Variants in LEO1 observed in about 807,000 individuals in gnomAD.
The protein encoded by LEO1 is RNA polymerase-associated protein LEO1.
A neutral mutation model predicts 80.4 loss-of-function variants in LEO1; 34 were observed. The observed-to-expected ratio is 0.42, with a 90% CI of 0.32 to 0.56. The LOEUF is 0.56. Ranked by LOEUF, LEO1 falls within the 20% of genes least tolerant of loss-of-function variation. The pLI is 0.10. For synonymous variants in LEO1, 262 were observed against 274.9 expected (o/e 0.95, Z 0.46); for missense variants, 631 against 814.2 (o/e 0.77, Z 2.74).
At chr15:51,970,932 C>G (rs2057117734) in intron 1 of LEO1, among the ~76,000 whole-genome samples, 1 of 152,198 alleles carries the variant, frequency 6.6e-6, no homozygotes, top group Non-Finnish European at 1.5e-5. Flanking sequence ...ACCTGAGCAA[C>G]ACAGTGAGAC....
At chr15:51,948,038 G>C (rs2114191) in intron 10 of LEO1, among the ~76,000 whole-genome samples, 50,607 of 152,030 alleles carry the variant, frequency 0.33, 9,355 homozygotes, top group Middle Eastern at 0.42. Flanking sequence ...ATTCCAAAAT[G>C]AGTTTGAAGG....
rs1452090542 is a variant in LEO1 at position 51,960,736 on chromosome 15, T to C, written c.920-3A>G. On this transcript the variant is annotated splice_region_variant and splice_polypyrimidine_tract_variant and intron_variant, in intron 3 of 11. Transcript: ENST00000299601. ...TAAATCCATGGTTCCACTATTATCT[T>C]CAATGCAGAAGGAAAAAGGCATTAG... The C allele has an allele frequency of 6.4e-7, 1 of 1,564,334 alleles. No individual in the cohort carries two copies. The highest frequency in any genetic ancestry group is 1.7e-5 in the Admixed American group (1 of 59,940).
In LEO1 at chr15:51,971,772, G is replaced by A; in HGVS notation, c.-27C>T. 6.2e-7 allele frequency: 1 copy of A among 1,611,328 alleles called. No individual in the cohort carries two copies. Among genetic ancestry groups the A allele is most frequent in the Non-Finnish European group, 8.5e-7 (1 of 1,177,500 alleles). ...ATCGCTCACGTCCGCTGCTGCCTCG[G>A]TTAGGGGCAGCTCCCGGCCTCTCTT... On this transcript the variant is annotated 5_prime_UTR_variant, in exon 1 of 12. Transcript: ENST00000299601.
At chr15:51,952,808 C>A (rs1195935423) in intron 8 of LEO1, among the ~76,000 whole-genome samples, 1 of 152,142 alleles carries the variant, frequency 6.6e-6, no homozygotes, top group Non-Finnish European at 1.5e-5. Flanking sequence ...TTACTAAAAA[C>A]AAAGGACACA....
intron 6 of LEO1, among the ~76,000 whole-genome samples, chr15:51,957,389 G>A (rs1288039623): frequency 2.0e-5 from 3 of 152,058 alleles, no homozygotes; most frequent in Admixed American, 6.6e-5. Flanking sequence ...ATACATCCAT[G>A]TGTCCCAAAG....
intron 11 of LEO1, among the ~76,000 whole-genome samples, chr15:51,939,414 C>T (rs747245573): frequency 5.3e-5 from 8 of 152,180 alleles, no homozygotes; most frequent in Middle Eastern, 3.4e-3. Context: ...AAATACATTC[C>T]CACAGACCTG....
chr15:51,968,200 C>A (rs1024125679), intron 1 of LEO1, among the ~76,000 whole-genome samples: 2 of 151,814 alleles, frequency 1.3e-5, no homozygotes, highest in African/African-American at 4.8e-5. Flanking sequence ...TAAATAAATA[C>A]ATAATATTGC....
chr15:51,966,394 T>C lies in LEO1; in HGVS notation c.169A>G (p.Ser57Gly), dbSNP rs770683513. The part of the protein sequence containing the change: ...QDERGDSGQP[S>G]NKELFGDDSE... The stretch of plus-strand genomic sequence containing the variant: ...TCATCTCCAAACAGTTCCTTATTAC[T>C]TGGTTGTCCTGAATCACCTCTTTCA... The change falls in exon 2 of 12, where the codon AGT (serine) becomes GGT (glycine). Residue 57 changes from serine to glycine, a missense_variant. Around this residue, in one of 4 missense-constraint regions of LEO1, gnomAD observed 394 missense variants for 395.6 expected, o/e 1.00. Transcript: ENST00000299601. 1.9e-6 allele frequency: 3 copies of C among 1,614,164 alleles called. No homozygotes were observed. The South Asian group carries it at 3.3e-5, about 18-fold the overall frequency.
At chr15:51,942,072 C>G in intron 11 of LEO1, among the ~76,000 whole-genome samples, 1 of 152,178 alleles carries the variant, frequency 6.6e-6, no homozygotes, top group South Asian at 2.1e-4. Flanking sequence ...AGAGGCATAC[C>G]TAGGCTCCTG....
At chr15:51,954,876 A>G in intron 6 of LEO1, 1 of 250,110 alleles carries the variant, frequency 4.0e-6, no homozygotes, top group Non-Finnish European at 7.7e-6. Flanking sequence ...GAGATGTGTT[A>G]AGACAGTAAG....
At chr15:51,938,364 G>C in intron 11 of LEO1, 104 bp from the exon 12 acceptor site, 1 of 660,034 alleles carries the variant, frequency 1.5e-6, no homozygotes, top group East Asian at 2.8e-5. Flanking sequence ...ACAACTCAAA[G>C]TAACGGTTCC....
intron 11 of LEO1, among the ~76,000 whole-genome samples, chr15:51,942,797 C>T (rs1225212883): frequency 1.3e-5 from 2 of 151,832 alleles, no homozygotes; most frequent in Non-Finnish European, 2.9e-5. Context: ...TGGCAGGTGC[C>T]TATAATCCCA....
intron 6 of LEO1, among the ~76,000 whole-genome samples, chr15:51,956,441 A>AC (rs1435003493): frequency 6.0e-5 from 9 of 151,064 alleles, no homozygotes; most frequent in South Asian, 4.2e-4. Flanking sequence ...AAAAAAAAAA[A>AC]CCACAAATAG....
intron 6 of LEO1, 124 bp from the exon 7 acceptor site, chr15:51,954,699 G>C (rs1350100679): frequency 3.0e-6 from 2 of 671,094 alleles, no homozygotes; most frequent in Non-Finnish European, 5.3e-6. Context: ...TGTGTGGCAG[G>C]AGAATGAACA....
At chr15:51,958,968 T>G (rs1332131666) in intron 5 of LEO1, 142 bp from the exon 6 acceptor site, 2 of 501,346 alleles carry the variant, frequency 4.0e-6, no homozygotes, top group South Asian at 7.1e-5. Context: ...AATATCTTCA[T>G]GCTTAACTTC....
chr15:51,938,189 C>A lies in LEO1; in HGVS notation c.1968G>T (p.Val656=). 6.2e-7 allele frequency: 1 copy of A among 1,607,186 alleles called. No individual in the cohort carries two copies. Among genetic ancestry groups the A allele is most frequent in the African/African-American group, 1.3e-5 (1 of 74,950 alleles). The change falls in exon 12 of 12, where the codon GTG becomes GTT. Residue 656 remains valine (V), a synonymous_variant. Coordinates refer to ENST00000299601, the MANE Select transcript of LEO1 (RefSeq NM_138792.4). ...DKANKKHKKY[V]ISDEEEEDDD is the part of the protein sequence containing the mutation. ...CATCTTCTTCCTCTTCATCGCTGAT[C>A]ACATACTTCTTATGCTTTTTATTTG...
intron 6 of LEO1, among the ~76,000 whole-genome samples, chr15:51,956,272 T>C (rs368895598): frequency 7.2e-5 from 11 of 151,866 alleles, no homozygotes; most frequent in African/African-American, 2.7e-4. Context: ...ATACAAAAAT[T>C]ACCCGGGCAT....
At chr15:51,971,585 G>T in intron 1 of LEO1, 103 bp downstream of exon 1, 2 of 1,210,576 alleles carry the variant, frequency 1.7e-6, no homozygotes, top group Non-Finnish European at 2.4e-6. Context: ...AGGAGTGGAG[G>T]AAACGCCACC....
chr15:51,941,623 ACT>A (rs370872866), intron 11 of LEO1, among the ~76,000 whole-genome samples: 36 of 152,260 alleles, frequency 2.4e-4, no homozygotes, highest in African/African-American at 8.7e-4. Context: ...ACCGGCACAC[ACT>A]TTCTCCCCCT....
Sources: gnomAD v4.1 joint callset for allele counts (sites outside exome capture counted in the v4.1 genomes callset) on GRCh38, gnomAD v4.1.1 for gene constraint, gnomAD v4.1.1 regional missense constraint, MANE v1.5 for transcripts, NCBI Gene and HGNC (gene_info 2026-07-23, HGNC 2026-07-21) for gene names.